CXXC1: variants seen among roughly 807,000 people sequenced by gnomAD.
CXXC1 encodes CXXC finger protein 1, also known as CXXC-type zinc finger protein 1.
In CXXC1, 21 loss-of-function variants were observed where a neutral mutation model predicts 83.6. The observed-to-expected ratio is 0.25, with a 90% CI of 0.18 to 0.36. The LOEUF is 0.36. Ranked by LOEUF, CXXC1 falls within the 10% of genes least tolerant of loss-of-function variation. CXXC1 has a pLI of 1.00. For missense variants in CXXC1, 688 were observed against 919.5 expected (o/e 0.75, Z 3.26); for synonymous variants, 371 against 337.5 (o/e 1.10, Z -1.09).
chr18:50,284,262 G>A (rs2040676258), intron 9 of CXXC1, 116 bp downstream of exon 9: 1 of 1,480,724 alleles, frequency 6.8e-7, no homozygotes, highest in African/African-American at 1.4e-5. Context: ...GGGTGAGTGG[G>A]TAGTGGCTGT....
Position 50,286,043 on chromosome 18 carries a change from G to A in CXXC1, c.438C>T (p.Pro146=), listed in dbSNP as rs1266191255. 6.2e-7 allele frequency: 1 copy of A among 1,613,894 alleles called. No individual in the cohort carries two copies. The highest frequency in any genetic ancestry group is 8.5e-7 in the Non-Finnish European group (1 of 1,179,888). ...SASPHKSSPQ[P]LVATPSQHHQ... ...TCACCTGGCTGGGTGTGGCCACCAA[G>A]GGCTGCGGAGAGGATTTGTGGGGCG... The change falls in exon 4 of 15, where the codon CCC becomes CCT. Residue 146 remains proline (P), a synonymous_variant. Transcript: ENST00000285106.
chr18:50,283,062 G>A, intron 13 of CXXC1, 56 bp from the exon 14 acceptor site: 1 of 1,580,648 alleles, frequency 6.3e-7, no homozygotes, highest in Non-Finnish European at 8.7e-7. Flanking sequence ...GAATAGGAAT[G>A]GGGGCTCAAG....
Position 50,282,773 on chromosome 18 carries a change from A to G in CXXC1, c.1825-34T>C. 6.2e-7 allele frequency: 1 copy of G among 1,611,332 alleles called. No individual in the cohort carries two copies. Among genetic ancestry groups the G allele is most frequent in the South Asian group, 1.1e-5 (1 of 90,750 alleles). On this transcript the variant is annotated intron_variant, in intron 14 of 14. Coordinates refer to ENST00000285106, the MANE Select transcript of CXXC1 (RefSeq NM_014593.4). This position sits in a 1 kb window ranked among gnomAD's most constrained non-coding sequence, Gnocchi z 5.8. ...GGAGCGGCAGGAGTCCTAAGCAGGA[A>G]CACCTGCAGCCCCGCCTGCCCCGGC... is the stretch of plus-strand genomic sequence containing the variant.
At chr18:50,286,503 C>G (rs772504571) in intron 3 of CXXC1, 36 bp downstream of exon 3, 2 of 1,566,910 alleles carry the variant, frequency 1.3e-6, no homozygotes, top group Admixed American at 3.3e-5. Flanking sequence ...TCCCTTGAAG[C>G]CCCACCTGCC....
At chr18:50,283,410 A>G (rs1337730553) in intron 12 of CXXC1, 49 bp from the exon 13 acceptor site, 1 of 1,600,658 alleles carries the variant, frequency 6.2e-7, no homozygotes, top group South Asian at 1.1e-5. Context: ...AGGGAGGTCC[A>G]TCTGTCCTGG....
intron 3 of CXXC1, 69 bp downstream of exon 3, chr18:50,286,470 C>G (rs533222276): frequency 7.6e-7 from 1 of 1,309,028 alleles, no homozygotes; most frequent in African/African-American, 1.4e-5. Context: ...ATCCCCATAA[C>G]CCCCCCTTGT....
In CXXC1 at chr18:50,287,656, G is replaced by A; in HGVS notation, c.-67C>T. 2.5e-6 allele frequency: 4 copies of A among 1,597,902 alleles called. No homozygotes were observed. In the South Asian group the frequency reaches 4.4e-5, roughly 18 times the overall value. Reference sequence around the variant, plus strand: ...ACCCGCGAACCTGCACAGACCACTCGGCGGCGTCCCAGGCGGTTGCAAAGG... The same window carrying A: ...ACCCGCGAACCTGCACAGACCACTCAGCGGCGTCCCAGGCGGTTGCAAAGG... On this transcript the variant is annotated 5_prime_UTR_variant, in exon 1 of 15. Transcript: ENST00000285106.
At chr18:50,286,889 G>T in intron 1 of CXXC1, 31 bp from the exon 2 acceptor site, 1 of 1,488,696 alleles carries the variant, frequency 6.7e-7, no homozygotes, top group Non-Finnish European at 9.4e-7. Context: ...GGATCCTTAA[G>T]CAGCCCCCAC....
chr18:50,287,402 G>A (rs1401747107), intron 1 of CXXC1, 185 bp downstream of exon 1: 4 of 682,512 alleles, frequency 5.9e-6, no homozygotes, highest in East Asian at 2.7e-5. Flanking sequence ...TTCTATTAAG[G>A]AGCCCCCCAC....
intron 12 of CXXC1, 23 bp downstream of exon 12, chr18:50,283,492 C>T: frequency 6.2e-7 from 1 of 1,613,710 alleles, no homozygotes; most frequent in Non-Finnish European, 8.5e-7. Flanking sequence ...CCCCACCTCT[C>T]ACTGCGTGGC....
chr18:50,285,773 C>T lies in CXXC1; in HGVS notation c.615G>A (p.Leu205=), dbSNP rs2040703006. Residue 205 remains leucine, a synonymous_variant, in exon 5 of 15, where the codon CTG becomes CTA. Transcript: ENST00000285106. The surrounding 1 kb of genome is among the most constrained non-coding windows in gnomAD (Gnocchi z 4.4). ...GPNKIRQKCR[L]RQCQLRARES... is the part of the protein sequence containing the mutation. ...CCCGGGCCCGCAGCTGGCACTGGCG[C>T]AGCCGGCACTTCTGCCGGATCTTGT... The T allele has an allele frequency of 8.7e-6, 14 of 1,613,802 alleles. No individual in the cohort carries two copies. The East Asian group carries it at 3.1e-4, about 36-fold the overall frequency.
rs1473485643 is a variant in CXXC1 at position 50,282,743 on chromosome 18, C to A, written c.1825-4G>T. On this transcript the variant is annotated splice_polypyrimidine_tract_variant and splice_region_variant and intron_variant, in intron 14 of 14. Coordinates refer to ENST00000285106, the MANE Select transcript of CXXC1 (RefSeq NM_014593.4). This position sits in a 1 kb window ranked among gnomAD's most constrained non-coding sequence, Gnocchi z 5.8. ...ACAGCTCGTCCAGCTTGTACCACTG[C>A]CAAGGGAGCGGCAGGAGTCCTAAGC... 6.2e-7 allele frequency: 1 copy of A among 1,613,952 alleles called. No individual in the cohort carries two copies. The highest frequency in any genetic ancestry group is 1.7e-5 in the Admixed American group (1 of 60,022).
At position 50,285,329 on chromosome 18, in the gene CXXC1, G is replaced by A; in HGVS notation, c.662C>T (p.Ser221Phe). The A allele has an allele frequency of 6.2e-7, 1 of 1,603,156 alleles. No individual in the cohort carries two copies. The highest frequency in any genetic ancestry group is 8.5e-7 in the Non-Finnish European group (1 of 1,173,688). Residue 221 changes from serine to phenylalanine, a missense_variant, in exon 6 of 15, where the codon TCC becomes TTC. This residue lies in a region of CXXC1 where 190 missense variants were observed against 199.7 expected (regional missense o/e 0.95). Coordinates refer to ENST00000285106, the MANE Select transcript of CXXC1 (RefSeq NM_014593.4). The surrounding 1 kb of genome is among the most constrained non-coding windows in gnomAD (Gnocchi z 4.4). ...ACCCTGGGGGGCTGGACTCACCGAG[G>A]AAGGGAAGTACTTGTACGATTCCTG... ...RARESYKYFP[S>F]SLSPVTPSES...
In CXXC1 at chr18:50,284,075, C is replaced by T. The variant is rs758213928; in HGVS notation, c.1232G>A (p.Arg411His). Reference protein sequence around the residue: ...ANRIYEILPQRIQQWQQSPCI... With the variant: ...ANRIYEILPQHIQQWQQSPCI... Reference sequence around the variant, plus strand: ...AGGGCTCTGCTGCCACTGCTGGATGCGCTGGGGGAGGATCTCGTAGATGCG... The same window carrying T: ...AGGGCTCTGCTGCCACTGCTGGATGTGCTGGGGGAGGATCTCGTAGATGCG... The change falls in exon 10 of 15, where the codon CGC becomes CAC. Residue 411 changes from arginine to histidine, a missense_variant. Physicochemically the swap from Arg to His is conservative, Grantham distance 29 (BLOSUM62 0). Coordinates refer to ENST00000285106, the MANE Select transcript of CXXC1 (RefSeq NM_014593.4). 7 of 1,608,242 alleles carry T rather than the reference C, an allele frequency of 4.4e-6. No individual in the cohort carries two copies. Among genetic ancestry groups the T allele is most frequent in the South Asian group, 2.2e-5 (2 of 91,072 alleles).
At position 50,283,900 on chromosome 18, in the gene CXXC1, A is replaced by G. The variant is rs1477549232; in HGVS notation, c.1407T>C (p.Asp469=). Residue 469 remains aspartate (D), a synonymous_variant, in exon 10 of 15, where the codon GAT becomes GAC. Coordinates refer to ENST00000285106, the MANE Select transcript of CXXC1 (RefSeq NM_014593.4). ...LRAKQQAVRE[D]EESNEGDSDD... is the part of the protein sequence containing the mutation. ...TGCGCCCCTGCTTGCTCACCTCCTC[A>G]TCCTCGCGCACAGCCTGCTGCTTGG... 6 of 1,613,984 alleles carry G rather than the reference A, an allele frequency of 3.7e-6. No individual in the cohort carries two copies. The highest frequency in any genetic ancestry group is 5.1e-6 in the Non-Finnish European group (6 of 1,179,992).
intron 3 of CXXC1, 92 bp from the exon 4 acceptor site, chr18:50,286,349 C>A: frequency 8.1e-7 from 1 of 1,238,236 alleles, no homozygotes; most frequent in Non-Finnish European, 1.1e-6. Context: ...CCCTTACTGA[C>A]CCACCCACCT....
rs770906838 is a variant in CXXC1, at chr18:50,285,936, A to AG, written c.460-9dup. ...CTGCTGCTGCTGGTGATGCTGCAGG[A>AG]GGGGGCCCAGAACAGAAATCATGGA... On this transcript the variant is annotated splice_polypyrimidine_tract_variant and intron_variant, in intron 4 of 14. Coordinates refer to ENST00000285106, the MANE Select transcript of CXXC1 (RefSeq NM_014593.4). This position sits in a 1 kb window ranked among gnomAD's most constrained non-coding sequence, Gnocchi z 4.4. 3.1e-6 allele frequency: 5 copies of AG among 1,613,854 alleles called. No individual in the cohort carries two copies. The African/African-American group carries it at 5.3e-5, about 17-fold the overall frequency.
Position 50,286,849 on chromosome 18 carries a change from C to A in CXXC1, c.13G>T (p.Gly5Cys), listed in dbSNP as rs1291195905. The A allele has an allele frequency of 6.2e-7, 1 of 1,611,954 alleles. No homozygotes were observed. Among genetic ancestry groups the A allele is most frequent in the East Asian group, 2.2e-5 (1 of 44,848 alleles). The part of the protein sequence containing the change: MEGD[G>C]SDPEPPDAGE... ...GCATCTGGAGGCTCTGGGTCTGAACCATCTCCCTCCTGCAGGACACCCCCA... is the reference window on the plus strand; with the variant it reads ...GCATCTGGAGGCTCTGGGTCTGAACAATCTCCCTCCTGCAGGACACCCCCA... The change falls in exon 2 of 15, where the codon GGT (glycine) becomes TGT (cysteine). Residue 5 changes from glycine to cysteine, a missense_variant. Physicochemically the swap from Gly to Cys is radical, Grantham distance 159. Transcript: ENST00000285106.
chr18:50,284,997 C>T lies in CXXC1; in HGVS notation c.912+5G>A. ...TTCCACCAGTGGATGCTCCTGTCTGCTCACCAGGCCATGGTCATCAAAGGC... is the reference window on the plus strand; with the variant it reads ...TTCCACCAGTGGATGCTCCTGTCTGTTCACCAGGCCATGGTCATCAAAGGC... On this transcript the variant is annotated splice_donor_5th_base_variant and intron_variant, in intron 7 of 14. Coordinates refer to ENST00000285106, the MANE Select transcript of CXXC1 (RefSeq NM_014593.4). 1 of 1,614,160 alleles carries T rather than the reference C, an allele frequency of 6.2e-7. No homozygotes were observed. Among genetic ancestry groups the T allele is most frequent in the Non-Finnish European group, 8.5e-7 (1 of 1,180,006 alleles).
Sources: allele counts gnomAD v4.1 joint callset, GRCh38; gene constraint gnomAD v4.1.1; regional missense constraint gnomAD v4.1.1; non-coding constraint Gnocchi (gnomAD v3.1); transcripts MANE v1.5; gene names NCBI Gene and HGNC (gene_info 2026-07-23, HGNC 2026-07-21).